The following CTBP1 variants were observed in gnomAD, a reference collection of about 807,000 sequenced individuals.
The protein encoded by CTBP1 is C-terminal-binding protein 1.
CTBP1 carries 11 observed loss-of-function variants against 42.1 expected under a neutral mutation model. The observed-to-expected ratio is 0.26, with a 90% CI of 0.16 to 0.43. The LOEUF (loss-of-function observed/expected upper bound fraction) is 0.43. Among genes scored for constraint, CTBP1 ranks in the 20% least tolerant of loss-of-function variants. The probability of loss-of-function intolerance (pLI) is 1.00; values close to 1 mark genes in which losing one functional copy is unlikely to be tolerated. For synonymous variants in CTBP1, 324 were observed against 277.1 expected, an observed-to-expected ratio of 1.17 and a Z score of -1.68; for missense variants, 399 against 624.3, an observed-to-expected ratio of 0.64 and a Z score of 3.85.
At chr4:1,243,921 TAAGA>T (rs1185749372) in intron 1 of CTBP1, 70 of 985,318 alleles carry the variant, frequency 7.1e-5, no homozygotes, top group Non-Finnish European at 8.2e-5. Flanking sequence ...CCTCATGTTG[TAAGA>T]AAGCACTCAA....
At chr4:1,216,817 G>C (rs1051337051) in intron 5 of CTBP1, 4 of 160,350 alleles carry the variant, frequency 2.5e-5, no homozygotes, top group Non-Finnish European at 4.2e-5. Context: ...TGGAGCTTGA[G>C]CCACCGTGTC....
chr4:1,244,090 C>A (rs1732462911), intron 1 of CTBP1: 1 of 985,434 alleles, frequency 1.0e-6, no homozygotes, highest in Non-Finnish European at 1.2e-6. Context: ...GGCATCAAGT[C>A]CCGGGGGGCT....
chr4:1,238,106 G>T lies in CTBP1; in HGVS notation c.162+77C>A, dbSNP rs548361722. ...GTGGCACCCAGACCTGCTGTGGCCCGGGCCTGCCGTGCTCCCGTCCCTCCA... is the reference window on the plus strand; with the variant it reads ...GTGGCACCCAGACCTGCTGTGGCCCTGGCCTGCCGTGCTCCCGTCCCTCCA... On this transcript the variant is annotated intron_variant, in intron 3 of 9. Coordinates refer to ENST00000382952, the MANE Select transcript of CTBP1 (RefSeq NM_001012614.2). This position sits in a 1 kb window ranked among gnomAD's most constrained non-coding sequence, Gnocchi z 5.9. 3.1e-6 allele frequency: 5 copies of T among 1,589,810 alleles called. No homozygotes were observed. In the South Asian group the frequency reaches 5.5e-5, roughly 18 times the overall value.
intron 5 of CTBP1, 150 bp from the exon 6 acceptor site, chr4:1,216,355 C>G: frequency 1.3e-6 from 1 of 750,980 alleles, no homozygotes; most frequent in Non-Finnish European, 2.1e-6. Context: ...TGCCCACGCA[C>G]GCTCCACACG....
intron 3 of CTBP1, among the ~76,000 whole-genome samples, chr4:1,229,180 A>G (rs1560257422): frequency 6.6e-6 from 1 of 152,172 alleles, no homozygotes; most frequent in Non-Finnish European, 1.5e-5. Flanking sequence ...GGGCAGGGGC[A>G]GTGTGGGGTG....
intron 1 of CTBP1, chr4:1,242,785 C>T (rs748244908): frequency 1.2e-5 from 12 of 985,264 alleles, no homozygotes; most frequent in Admixed American, 6.2e-5. Flanking sequence ...CCATGGTACC[C>T]GGATACCACA....
At position 1,212,387 on chromosome 4, in the gene CTBP1, G is replaced by A; in HGVS notation, c.1143C>T (p.Gly381=). ...PPGVVGVAPT[G]IPAAVEGIVP... ...CGATACCTTCCACAGCAGCTGGGAT[G>A]CCAGTGGGGGCCACGCCCACCACGC... The change falls in exon 10 of 10, where the codon GGC becomes GGT. Residue 381 remains glycine (G), a synonymous_variant. Coordinates refer to ENST00000382952, the MANE Select transcript of CTBP1 (RefSeq NM_001012614.2). 1.3e-6 allele frequency: 2 copies of A among 1,491,664 alleles called. No individual in the cohort carries two copies. Among genetic ancestry groups the A allele is most frequent in the Non-Finnish European group, 1.8e-6 (2 of 1,124,664 alleles). 92.4% of individuals were successfully genotyped at this position (1,491,664 alleles called of 1,614,324 possible). A position where few individuals can be genotyped will look rare whatever the true frequency, so the allele number is the denominator to read the frequency against.
intron 5 of CTBP1, chr4:1,217,846 G>A (rs1465522090): frequency 6.6e-6 from 1 of 152,256 alleles, no homozygotes; most frequent in East Asian, 1.9e-4. Flanking sequence ...GCTGGAATCA[G>A]CCAGCAAAAC....
At chr4:1,242,707 TCCCCATCACCTGCGCCTGAGC>T (rs961495699) in intron 1 of CTBP1, 91 of 985,230 alleles carry the variant, frequency 9.2e-5, no homozygotes, top group Non-Finnish European at 1.0e-4. Flanking sequence ...TGGAGCGGGA[TCCCCATCACCTGCGCCTGAGC>T]CCCCATGACC....
chr4:1,244,834 G>A (rs1187870915), intron 1 of CTBP1: 3 of 985,334 alleles, frequency 3.0e-6, no homozygotes, highest in South Asian at 4.7e-5. Flanking sequence ...CAGGCCTGGA[G>A]GCCCAAAGAC....
intron 1 of CTBP1, chr4:1,242,146 C>T (rs923095339): frequency 1.0e-6 from 1 of 985,334 alleles, no homozygotes; most frequent in African/African-American, 1.7e-5. Context: ...ACGGCCAGGG[C>T]CTGGCGGGAA....
intron 3 of CTBP1, among the ~76,000 whole-genome samples, chr4:1,232,303 A>G (rs578238770): frequency 6.6e-6 from 1 of 152,104 alleles, no homozygotes; most frequent in African/African-American, 2.4e-5. Context: ...TTATTTTGCT[A>G]TGTCATTCTT....
At position 1,228,421 on chromosome 4, in the gene CTBP1, G is replaced by C; in HGVS notation, c.163-78C>G. 2.6e-6 allele frequency: 4 copies of C among 1,531,936 alleles called. No individual in the cohort carries two copies. The East Asian group carries it at 9.1e-5, about 35-fold the overall frequency. The allele number at this position is 1,531,936 out of a possible 1,614,324, so 94.9% of individuals were successfully genotyped here. On this transcript the variant is annotated intron_variant, in intron 3 of 9. Coordinates refer to ENST00000382952, the MANE Select transcript of CTBP1 (RefSeq NM_001012614.2). ...TGGCCTTCGGGGGTGGGGCTGCCCC[G>C]GCTGGGAAATTAGCCTGTGGCCCTC... is the stretch of plus-strand genomic sequence containing the variant.
At chr4:1,225,016 A>C (rs1044136067) in intron 5 of CTBP1, among the ~76,000 whole-genome samples, 1 of 150,084 alleles carries the variant, frequency 6.7e-6, no homozygotes, top group Non-Finnish European at 1.5e-5. Context: ...CTATGTGCCC[A>C]TGAAGCCCAT....
rs778712973 is a variant in CTBP1 at position 1,213,524 on chromosome 4, G to A, written c.942C>T (p.Ile314=). The A allele has an allele frequency of 3.8e-5, 62 of 1,612,894 alleles. No individual in the cohort carries two copies. In the South Asian group the frequency reaches 4.7e-4, roughly 12 times the overall value. Residue 314 remains isoleucine (I), a synonymous_variant, in exon 8 of 10, where the codon ATC becomes ATT. Transcript: ENST00000382952. ...HAAWYSEQAS[I]EMREEAAREI... is the part of the protein sequence containing the mutation. ...CCCGTGCCGCCTCCTCTCGCATCTC[G>A]ATGGATGCCTGCTCGCTGTACCATG...
intron 2 of CTBP1, among the ~76,000 whole-genome samples, chr4:1,240,564 G>A (rs1243497398): frequency 3.8e-5 from 1 of 26,298 alleles, no homozygotes; most frequent in African/African-American, 1.7e-4. Flanking sequence ...TCGGAACCGC[G>A]TGGGGGACTC....
intron 3 of CTBP1, among the ~76,000 whole-genome samples, chr4:1,229,564 C>G (rs182815400): frequency 5.3e-5 from 8 of 152,190 alleles, no homozygotes; most frequent in Non-Finnish European, 1.0e-4. Flanking sequence ...GCCTAGGTGG[C>G]GTCTTTCCCT....
chr4:1,233,442 C>T lies in CTBP1; in HGVS notation c.162+4741G>A, dbSNP rs933519110. ...CTGTCCAGCTGGCTGCAGGTCCTCG[C>T]AGGCCACTGCGTCCTGTGCCCTCCC... On this transcript the variant is annotated intron_variant, in intron 3 of 9. Coordinates refer to ENST00000382952, the MANE Select transcript of CTBP1 (RefSeq NM_001012614.2). The surrounding 1 kb of genome is among the most constrained non-coding windows in gnomAD (Gnocchi z 4.6). Among the ~76,000 whole-genome samples, 2 of 152,252 alleles carry T rather than the reference C, an allele frequency of 1.3e-5. No individual in the cohort carries two copies. The highest frequency in any genetic ancestry group is 2.9e-5 in the Non-Finnish European group (2 of 68,042).
rs774790849 is a variant in CTBP1 at position 1,225,584 on chromosome 4, C to A, written c.308-18G>T. 1 of 1,535,454 alleles carries A rather than the reference C, an allele frequency of 6.5e-7. No individual in the cohort carries two copies. On this transcript the variant is annotated intron_variant, in intron 4 of 9. Transcript: ENST00000382952. ...GGCAATGCCTGTGGGGACAAGGACA[C>A]GGCGGTCACCCCCGGGCCGGGCCCA...
Sources: allele counts gnomAD v4.1 joint callset (sites outside exome capture counted in the v4.1 genomes callset), GRCh38; gene constraint gnomAD v4.1.1; non-coding constraint Gnocchi (gnomAD v3.1); transcripts MANE v1.5; gene names NCBI Gene and HGNC (gene_info 2026-07-23, HGNC 2026-07-21).